RTTN: variants seen among roughly 807,000 people sequenced by gnomAD.
The protein encoded by RTTN is rotatin.
Under a neutral mutation model 269.2 loss-of-function variants are expected in RTTN, and 182 were observed. The observed-to-expected ratio is 0.68, with a 90% CI of 0.60 to 0.76. The LOEUF (loss-of-function observed/expected upper bound fraction) is 0.76, where lower values mean the gene tolerates loss of function less well. Among genes scored for constraint, RTTN ranks in the 30% least tolerant of loss-of-function variants. The pLI is 0.00. For missense variants in RTTN, 2,545 were observed against 2,608.6 expected (o/e 0.98, Z 0.53); for synonymous variants, 1,006 against 963.5 (o/e 1.04, Z -0.82).
At chr18:70,193,004 C>T (rs1398338951) in intron 8 of RTTN, 2 of 267,568 alleles carry the variant, frequency 7.5e-6, no homozygotes, top group African/African-American at 2.2e-5. Context: ...ATTATGTGAA[C>T]ATTTTGTTTT....
chr18:70,095,545 C>T lies in RTTN; in HGVS notation c.3904-2741G>A, dbSNP rs567661004. On this transcript the variant is annotated intron_variant, in intron 28 of 48. Coordinates refer to ENST00000640769, the MANE Select transcript of RTTN (RefSeq NM_173630.4). ...CTTGTCTGTAAAGGATTTTCTCCTT[C>T]GCTTTTGAAGCTTAGTTTGGCTAGA... Among the ~76,000 whole-genome samples the T allele has an allele frequency of 9.2e-5, 14 of 152,190 alleles. No individual in the cohort carries two copies. In the East Asian group the frequency reaches 1.9e-3, roughly 21 times the overall value.
Position 70,196,712 on chromosome 18 carries a change from G to C in RTTN, c.694-64C>G. The C allele has an allele frequency of 4.7e-6, 7 of 1,495,614 alleles. No individual in the cohort carries two copies. The South Asian group carries it at 8.5e-5, about 18-fold the overall frequency. The allele number at this position is 1,495,614 out of a possible 1,614,324, so 92.6% of individuals were successfully genotyped here. On this transcript the variant is annotated intron_variant, in intron 6 of 48. Transcript: ENST00000640769. ...AAAGAGCTCAACTTCAAAGCAGAATGTGGAGCTTAAGTAAGTAAGCCTAAG... is the reference window on the plus strand; with the variant it reads ...AAAGAGCTCAACTTCAAAGCAGAATCTGGAGCTTAAGTAAGTAAGCCTAAG...
chr18:70,066,643 A>T (rs774274963), intron 34 of RTTN, among the ~76,000 whole-genome samples: 4 of 152,218 alleles, frequency 2.6e-5, no homozygotes, highest in Admixed American at 6.5e-5. Context: ...TCTTCTGTGA[A>T]GTAACATGAA....
intron 32 of RTTN, among the ~76,000 whole-genome samples, chr18:70,080,881 T>A (rs1409567889): frequency 6.6e-6 from 1 of 150,932 alleles, no homozygotes; most frequent in Non-Finnish European, 1.5e-5. Flanking sequence ...GTAGAACCAA[T>A]TCAAATGCCC....
intron 32 of RTTN, among the ~76,000 whole-genome samples, chr18:70,082,891 C>G (rs1389073401): frequency 2.0e-5 from 3 of 151,748 alleles, no homozygotes; most frequent in African/African-American, 7.3e-5. Context: ...TGGGGTCTCA[C>G]TATGTTGCCC....
At chr18:70,155,724 G>A (rs949671001) in intron 14 of RTTN, among the ~76,000 whole-genome samples, 1 of 152,264 alleles carries the variant, frequency 6.6e-6, no homozygotes, top group Non-Finnish European at 1.5e-5. Flanking sequence ...CCTGTTGCGG[G>A]AAGTCAGGGA....
chr18:70,140,858 C>T (rs1422350260), intron 19 of RTTN, among the ~76,000 whole-genome samples: 1 of 152,048 alleles, frequency 6.6e-6, no homozygotes, highest in Non-Finnish European at 1.5e-5. Context: ...ATTATATATT[C>T]GTTACAAGTA....
intron 40 of RTTN, among the ~76,000 whole-genome samples, chr18:70,041,833 T>C (rs1242297251): frequency 6.6e-5 from 10 of 152,164 alleles, no homozygotes; most frequent in East Asian, 1.9e-4. Context: ...CTTGGCTACA[T>C]AACATTTGGC....
chr18:70,090,950 G>A (rs998899527), intron 30 of RTTN, among the ~76,000 whole-genome samples: 1 of 152,188 alleles, frequency 6.6e-6, no homozygotes, highest in Non-Finnish European at 1.5e-5. Flanking sequence ...CTTTGGACTT[G>A]CTTGGGACCC....
rs529266509 is a variant in RTTN at position 70,196,543 on chromosome 18, G to C, written c.799C>G (p.Leu267Val). 14 of 1,613,158 alleles carry C rather than the reference G, an allele frequency of 8.7e-6. No homozygotes were observed. The South Asian group carries it at 1.4e-4, about 16-fold the overall frequency. ...AAACCTGGATCTCGGTGAAAGTTAAGTCTGTTTCTTAAATACATGCACAGC... is the reference window on the plus strand; with the variant it reads ...AAACCTGGATCTCGGTGAAAGTTAACTCTGTTTCTTAAATACATGCACAGC... ...QQLCMYLRNR[L>V]NFHRDPGFFS... The change falls in exon 7 of 49, where the codon CTT (leucine) becomes GTT (valine). Residue 267 changes from leucine (L) to valine (V), a missense_variant. Coordinates refer to ENST00000640769, the MANE Select transcript of RTTN (RefSeq NM_173630.4).
chr18:70,032,402 A>G (rs2057042472), intron 40 of RTTN, among the ~76,000 whole-genome samples: 1 of 152,206 alleles, frequency 6.6e-6, no homozygotes. Context: ...CCCCCACTGC[A>G]GCCTCCTTCA....
intron 11 of RTTN, 110 bp downstream of exon 11, chr18:70,176,565 G>T: frequency 2.2e-6 from 2 of 914,334 alleles, no homozygotes; most frequent in Non-Finnish European, 3.0e-6. Flanking sequence ...TTTTGAAAAT[G>T]GCCTAAAGCA....
At chr18:70,181,417 G>A (rs940450740) in intron 10 of RTTN, among the ~76,000 whole-genome samples, 4 of 152,286 alleles carry the variant, frequency 2.6e-5, no homozygotes, top group East Asian at 1.9e-4. Flanking sequence ...TTTGATGATG[G>A]AGGACTAGGG....
intron 21 of RTTN, among the ~76,000 whole-genome samples, chr18:70,137,114 A>C (rs1265415652): frequency 6.6e-6 from 1 of 152,216 alleles, no homozygotes; most frequent in Non-Finnish European, 1.5e-5. Flanking sequence ...GAAGAAAATG[A>C]AAACTTTTAG....
chr18:70,023,048 C>T (rs1201480598), intron 44 of RTTN, among the ~76,000 whole-genome samples: 1 of 152,232 alleles, frequency 6.6e-6, no homozygotes, highest in South Asian at 2.1e-4. Flanking sequence ...CCCACAAGAG[C>T]TAGGAGTGCT....
chr18:70,127,000 A>C (rs1269527766), intron 25 of RTTN, among the ~76,000 whole-genome samples: 1 of 152,206 alleles, frequency 6.6e-6, no homozygotes, highest in Non-Finnish European at 1.5e-5. Context: ...GCTACAAGTT[A>C]AGCATGTTAA....
chr18:70,168,707 A>T, intron 12 of RTTN, 148 bp downstream of exon 12: 1 of 574,534 alleles, frequency 1.7e-6, no homozygotes, highest in Non-Finnish European at 3.0e-6. Context: ...AACCTGTTAA[A>T]TAACAGGTTA....
chr18:70,004,097 C>G lies in RTTN; in HGVS notation c.*54G>C. The G allele has an allele frequency of 7.1e-7, 1 of 1,416,036 alleles. No individual in the cohort carries two copies. Among genetic ancestry groups the G allele is most frequent in the East Asian group, 2.3e-5 (1 of 43,854 alleles). 87.7% of individuals were successfully genotyped at this position (1,416,036 alleles called of 1,614,324 possible). A position where few individuals can be genotyped will look rare whatever the true frequency, so the allele number is the denominator to read the frequency against. ...AGCTGCTACACACAGCTGGCTTCAA[C>G]TTTAGCTCCCCTGTTGATGACTGTC... On this transcript the variant is annotated 3_prime_UTR_variant, in exon 49 of 49. Transcript: ENST00000640769.
At chr18:70,127,049 G>C (rs1302998836) in intron 25 of RTTN, among the ~76,000 whole-genome samples, 2 of 152,076 alleles carry the variant, frequency 1.3e-5, no homozygotes, top group South Asian at 2.1e-4. Flanking sequence ...CTGCTATAAA[G>C]GACCGCCACA....
Sources: gnomAD v4.1 joint callset for allele counts (sites outside exome capture counted in the v4.1 genomes callset) on GRCh38, gnomAD v4.1.1 for gene constraint, MANE v1.5 for transcripts, NCBI Gene and HGNC (gene_info 2026-07-23, HGNC 2026-07-21) for gene names.